SMU1: variants seen among roughly 807,000 people sequenced by gnomAD.
SMU1 encodes WD40 repeat-containing protein SMU1.
In SMU1, 2 loss-of-function variants were observed where a neutral mutation model predicts 62.0. The ratio of observed to expected loss-of-function variants is 0.03; its 90% CI spans 0.01 to 0.10. The LOEUF (loss-of-function observed/expected upper bound fraction) is 0.10. Ranked by LOEUF, SMU1 falls within the 10% of genes least tolerant of loss-of-function variation. The probability of loss-of-function intolerance (pLI) is 1.00; values close to 1 mark genes in which losing one functional copy is unlikely to be tolerated. For missense variants in SMU1, 227 were observed against 622.1 expected (o/e 0.36, Z 6.76); for synonymous variants, 188 against 212.4 (o/e 0.89, Z 1.00).
chr9:33,069,437 TCCAGTGC>T (rs1839462065), intron 3 of SMU1, among the ~76,000 whole-genome samples: 1 of 152,236 alleles, frequency 6.6e-6, no homozygotes, highest in South Asian at 2.1e-4. Flanking sequence ...CATTCTATTA[TCCAGTGC>T]CTATTAAGTT....
intron 1 of SMU1, among the ~76,000 whole-genome samples, chr9:33,075,372 G>A (rs576163365): frequency 1.3e-4 from 20 of 150,784 alleles, no homozygotes; most frequent in African/African-American, 4.6e-4. Context: ...GTGAGACTCC[G>A]TCTCAAAAAA....
chr9:33,059,065 A>G lies in SMU1; in HGVS notation c.751-1351T>C, dbSNP rs185612048. Among the ~76,000 whole-genome samples, 126 of 152,324 alleles carry G rather than the reference A, an allele frequency of 8.3e-4. 2 individuals carry two copies. Among genetic ancestry groups the G allele is most frequent in the African/African-American group, 2.8e-3 (117 of 41,578 alleles). Reference sequence around the variant, plus strand: ...AAAAAGATGTTTAACTTCATTTATAAGAGAAATAGAATTAGTACTACAATT... The same window carrying G: ...AAAAAGATGTTTAACTTCATTTATAGGAGAAATAGAATTAGTACTACAATT... On this transcript the variant is annotated intron_variant, in intron 6 of 11. Coordinates refer to ENST00000397149, the MANE Select transcript of SMU1 (RefSeq NM_018225.3).
intron 4 of SMU1, 129 bp downstream of exon 4, chr9:33,068,695 G>C (rs1327460866): frequency 9.6e-7 from 1 of 1,041,882 alleles, no homozygotes; most frequent in Non-Finnish European, 1.3e-6. Context: ...TGTAGAGACA[G>C]AGTCTCACAA....
At chr9:33,048,423 T>A in intron 10 of SMU1, 165 bp from the exon 11 acceptor site, 1 of 404,018 alleles carries the variant, frequency 2.5e-6, no homozygotes, top group Non-Finnish European at 3.4e-6. Context: ...TCCCCTTGCC[T>A]GGGAAATATT....
At chr9:33,053,405 A>C in intron 9 of SMU1, 115 bp from the exon 10 acceptor site, 1 of 1,095,204 alleles carries the variant, frequency 9.1e-7, no homozygotes, top group Non-Finnish European at 1.3e-6. Context: ...TCAGGGGAAA[A>C]AAGTTTCTTA....
In SMU1 at chr9:33,048,042, C is replaced by A. The variant is rs889483692; in HGVS notation, c.1443+64G>T. 3 of 1,508,222 alleles carry A rather than the reference C, an allele frequency of 2.0e-6. No individual in the cohort carries two copies. The African/African-American group carries it at 4.1e-5, about 21-fold the overall frequency. The allele number at this position is 1,508,222 out of a possible 1,614,324, so 93.4% of individuals were successfully genotyped here. A position where few individuals can be genotyped will look rare whatever the true frequency, so the allele number is the denominator to read the frequency against. ...ATAGCTCTGGAAAAGGCACATACTT[C>A]AGAGTTCAGAAAGACACAAGTCCTA... On this transcript the variant is annotated intron_variant, in intron 11 of 11. Transcript: ENST00000397149.
chr9:33,059,168 A>T (rs1040169432), intron 6 of SMU1, among the ~76,000 whole-genome samples: 3 of 152,246 alleles, frequency 2.0e-5, no homozygotes, highest in Admixed American at 1.3e-4. Flanking sequence ...GTAATATAAT[A>T]CAGCAATAAT....
At chr9:33,056,733 A>G (rs1275535691) in intron 8 of SMU1, 104 bp downstream of exon 8, 3 of 1,256,542 alleles carry the variant, frequency 2.4e-6, no homozygotes, top group Non-Finnish European at 3.3e-6. Context: ...TCACATCATC[A>G]TGGTAAAAGC....
chr9:33,064,671 G>C (rs1412938510), intron 4 of SMU1, among the ~76,000 whole-genome samples: 1 of 151,916 alleles, frequency 6.6e-6, no homozygotes, highest in Non-Finnish European at 1.5e-5. Context: ...TTTATTAAAT[G>C]CAGTATTTCT....
chr9:33,057,448 G>T, intron 7 of SMU1, 150 bp downstream of exon 7: 1 of 958,752 alleles, frequency 1.0e-6, no homozygotes, highest in Non-Finnish European at 1.6e-6. Context: ...GAGTTGCTAA[G>T]ATTACATAAG....
chr9:33,076,576 G>C lies in SMU1; in HGVS notation c.26+7C>G. 6.2e-7 allele frequency: 1 copy of C among 1,613,706 alleles called. No individual in the cohort carries two copies. The highest frequency in any genetic ancestry group is 1.1e-5 in the South Asian group (1 of 91,082). ...CAAGGCGCGAACATCCCCACCGCAG[G>C]ACTCACTCCGAAGATTCGATTTCGA... On this transcript the variant is annotated splice_region_variant and intron_variant, in intron 1 of 11. Coordinates refer to ENST00000397149, the MANE Select transcript of SMU1 (RefSeq NM_018225.3).
intron 1 of SMU1, among the ~76,000 whole-genome samples, chr9:33,076,367 C>T (rs1428574039): frequency 6.6e-6 from 1 of 152,200 alleles, no homozygotes; most frequent in Non-Finnish European, 1.5e-5. Flanking sequence ...CCCACCCGTG[C>T]CACCTCCCTC....
At chr9:33,074,537 A>G (rs1839522045) in intron 1 of SMU1, among the ~76,000 whole-genome samples, 2 of 151,980 alleles carry the variant, frequency 1.3e-5, no homozygotes, top group South Asian at 4.1e-4. Flanking sequence ...TTGTATCCAT[A>G]AGGTTGAGGC....
chr9:33,066,307 T>A (rs1341671560), intron 4 of SMU1, among the ~76,000 whole-genome samples: 2 of 152,098 alleles, frequency 1.3e-5, no homozygotes, highest in Non-Finnish European at 2.9e-5. Flanking sequence ...GAAAGAAAGA[T>A]ACACGGTATT....
rs1234165561 is a variant in SMU1 at position 33,044,219 on chromosome 9, C to G, written c.*3074G>C. 1 of 152,408 alleles carries G rather than the reference C, an allele frequency of 6.6e-6. No individual in the cohort carries two copies. The highest frequency in any genetic ancestry group is 2.4e-5 in the African/African-American group (1 of 41,454). 9.4% of individuals were successfully genotyped at this position (152,408 alleles called of 1,614,324 possible). A position where few individuals can be genotyped will look rare whatever the true frequency, so the allele number is the denominator to read the frequency against. Reference sequence around the variant, plus strand: ...TCCCTAGGAACCGACTGCACACGCCCAATTCAGAAGGAAGTGAGCACTGAT... The same window carrying G: ...TCCCTAGGAACCGACTGCACACGCCGAATTCAGAAGGAAGTGAGCACTGAT... On this transcript the variant is annotated 3_prime_UTR_variant, in exon 12 of 12. Coordinates refer to ENST00000397149, the MANE Select transcript of SMU1 (RefSeq NM_018225.3).
intron 7 of SMU1, 144 bp downstream of exon 7, chr9:33,057,454 A>G (rs1839315316): frequency 2.9e-6 from 3 of 1,019,618 alleles, no homozygotes; most frequent in Non-Finnish European, 4.3e-6. Flanking sequence ...CTAAGATTAC[A>G]TAAGAAAAAG....
chr9:33,056,371 G>C, intron 8 of SMU1, 132 bp from the exon 9 acceptor site: 1 of 875,512 alleles, frequency 1.1e-6, no homozygotes, highest in Admixed American at 3.2e-5. Context: ...CTATGTGATT[G>C]TGTATACGGT....
At chr9:33,051,315 A>T (rs1839246546) in intron 10 of SMU1, among the ~76,000 whole-genome samples, 1 of 152,150 alleles carries the variant, frequency 6.6e-6, no homozygotes, top group Non-Finnish European at 1.5e-5. Context: ...TTAGTGGGGA[A>T]GGAGGAAGAA....
rs749153008 is a variant in SMU1 at position 33,071,902 on chromosome 9, T to TA, written c.238-11dup. 4.7e-4 allele frequency: 704 copies of TA among 1,486,826 alleles called. No homozygotes were observed. Among genetic ancestry groups the TA allele is most frequent in the South Asian group, 1.4e-3 (103 of 74,140 alleles). The allele number at this position is 1,486,826 out of a possible 1,614,324, so 92.1% of individuals were successfully genotyped here. ...TCAATTCCAGAACAACCTGGACAAT[T>TA]AAAAAAAAACAAAAAAAACCCCAGA... On this transcript the variant is annotated splice_polypyrimidine_tract_variant and intron_variant, in intron 2 of 11. Transcript: ENST00000397149.
Sources: allele counts gnomAD v4.1 joint callset (sites outside exome capture counted in the v4.1 genomes callset), GRCh38; gene constraint gnomAD v4.1.1; transcripts MANE v1.5; gene names NCBI Gene and HGNC (gene_info 2026-07-23, HGNC 2026-07-21).